VPS13D: variants seen among roughly 807,000 people sequenced by gnomAD.
VPS13D encodes the protein intermembrane lipid transfer protein VPS13D.
In VPS13D, 187 loss-of-function variants were observed where a neutral mutation model predicts 461.9. The observed-to-expected ratio is 0.40, with a 90% CI of 0.36 to 0.46. The LOEUF (loss-of-function observed/expected upper bound fraction) is 0.46, where lower values mean the gene tolerates loss of function less well. VPS13D is among the 20% of genes least tolerant of loss of function. The probability of loss-of-function intolerance (pLI) is 0.60; values close to 1 mark genes in which losing one functional copy is unlikely to be tolerated. For synonymous variants in VPS13D, 1,951 were observed against 1,986.3 expected (o/e 0.98, Z 0.47); for missense variants, 4,711 against 5,364.9 (o/e 0.88, Z 3.81).
chr1:12,486,232 G>A (rs560580694), intron 67 of VPS13D, among the ~76,000 whole-genome samples: 1 of 152,310 alleles, frequency 6.6e-6, no homozygotes, highest in East Asian at 1.9e-4. Context: ...CTCAGCCATA[G>A]GTTACATTTA....
chr1:12,275,825 A>G lies in VPS13D; in HGVS notation c.2237A>G (p.Asp746Gly). ...TGAATCTTCTTTTTTTTATCTTCAG[A>G]TAACTCCAGGAGGAAAAGTAGGGAT... ...LGRMLLTNTQDNSRRKSRDGS... is the reference protein window; with the variant it reads ...LGRMLLTNTQGNSRRKSRDGS... The change falls in exon 19 of 70, where the codon GAT (aspartate) becomes GGT (glycine). Residue 746 changes from aspartate (D) to glycine (G), a missense_variant and splice_region_variant. Physicochemically the swap from Asp to Gly is moderately conservative, Grantham distance 94. Transcript: ENST00000620676. The G allele has an allele frequency of 6.4e-7, 1 of 1,562,702 alleles. No individual in the cohort carries two copies. Among genetic ancestry groups the G allele is most frequent in the South Asian group, 1.2e-5 (1 of 84,128 alleles).
intron 63 of VPS13D, among the ~76,000 whole-genome samples, chr1:12,408,624 C>T (rs554646004): frequency 6.6e-6 from 1 of 152,352 alleles, no homozygotes; most frequent in African/African-American, 2.4e-5. Flanking sequence ...CTCAGCCTCC[C>T]AAAGTGCTGG....
chr1:12,358,785 T>C (rs1364614946), intron 50 of VPS13D, among the ~76,000 whole-genome samples, 184 bp downstream of exon 50: 1 of 152,204 alleles, frequency 6.6e-6, no homozygotes, highest in African/African-American at 2.4e-5. Flanking sequence ...CTCCTGGGGA[T>C]CTGAGGAGCC....
At chr1:12,311,314 G>T in intron 27 of VPS13D, 140 bp from the exon 28 acceptor site, 1 of 682,552 alleles carries the variant, frequency 1.5e-6, no homozygotes, top group South Asian at 2.5e-5. Flanking sequence ...GGAGCTACAT[G>T]AAATTTTTGT....
At chr1:12,418,543 G>A (rs923010536) in intron 65 of VPS13D, among the ~76,000 whole-genome samples, 1 of 151,998 alleles carries the variant, frequency 6.6e-6, no homozygotes. Context: ...TGTACCCTGG[G>A]CTTTACCATA....
chr1:12,295,659 CAA>C (rs1049888602), intron 24 of VPS13D, among the ~76,000 whole-genome samples: 1 of 151,664 alleles, frequency 6.6e-6, no homozygotes, highest in Non-Finnish European at 1.5e-5. Context: ...TTTAACAACT[CAA>C]AAAAAATTTA....
At chr1:12,472,060 G>T (rs1645569727) in intron 67 of VPS13D, among the ~76,000 whole-genome samples, 1 of 152,122 alleles carries the variant, frequency 6.6e-6, no homozygotes, top group Non-Finnish European at 1.5e-5. Flanking sequence ...ACTGGTTGTT[G>T]TCTAGCTATT....
At position 12,275,931 on chromosome 1, in the gene VPS13D, C is replaced by T. The variant is rs1218485089; in HGVS notation, c.2343C>T (p.Pro781=). 2.5e-6 allele frequency: 4 copies of T among 1,613,780 alleles called. No individual in the cohort carries two copies. The highest frequency in any genetic ancestry group is 2.2e-5 in the East Asian group (1 of 44,842). Residue 781 remains proline, a synonymous_variant, in exon 19 of 70, where the codon CCC becomes CCT. Coordinates refer to ENST00000620676, the MANE Select transcript of VPS13D (RefSeq NM_015378.4). ...PLATPPNTPP[P]ESSSSNGEKT... Reference sequence around the variant, plus strand: ...CCACACCTCCTAACACCCCACCTCCCGAGTCAAGCAGCAGCAACGGAGAGA... The same window carrying T: ...CCACACCTCCTAACACCCCACCTCCTGAGTCAAGCAGCAGCAACGGAGAGA...
At chr1:12,438,003 A>T (rs1305699780) in intron 65 of VPS13D, among the ~76,000 whole-genome samples, 1 of 152,146 alleles carries the variant, frequency 6.6e-6, no homozygotes, top group African/African-American at 2.4e-5. Flanking sequence ...CAGTCTGGAT[A>T]TACTCTCCTA....
At chr1:12,500,070 G>A (rs1186353607) in intron 68 of VPS13D, 1 of 985,202 alleles carries the variant, frequency 1.0e-6, no homozygotes. Flanking sequence ...TTCACTTCTG[G>A]AAAATATTGT....
chr1:12,238,362 C>T (rs1216508532), intron 2 of VPS13D, among the ~76,000 whole-genome samples: 1 of 150,816 alleles, frequency 6.6e-6, no homozygotes, highest in Non-Finnish European at 1.5e-5. Context: ...CCCTTGGTCC[C>T]AAGAGTTTGA....
intron 31 of VPS13D, among the ~76,000 whole-genome samples, 185 bp downstream of exon 31, chr1:12,318,522 A>G (rs1196394404): frequency 6.6e-6 from 1 of 151,994 alleles, no homozygotes; most frequent in African/African-American, 2.4e-5. Context: ...TGTCTGGCCC[A>G]CTGAAGACTG....
Position 12,262,000 on chromosome 1 carries a change from G to A in VPS13D, c.1514G>A (p.Arg505Gln), listed in dbSNP as rs1166379677. ...GCCAAACTGAATTTGCAGTTGCAGC[G>A]AGGTACAGTGACTCTGTTACACAAG... ...VFAKLNLQLQ[R>Q]GTVTLLHKEQ... The change falls in exon 13 of 70, where the codon CGA becomes CAA. Residue 505 changes from arginine (R) to glutamine (Q), a missense_variant. Arg to Gln is a conservative substitution (Grantham distance 43). Transcript: ENST00000620676. 12 of 1,614,108 alleles carry A rather than the reference G, an allele frequency of 7.4e-6. No individual in the cohort carries two copies. The highest frequency in any genetic ancestry group is 2.2e-5 in the East Asian group (1 of 44,880).
intron 67 of VPS13D, among the ~76,000 whole-genome samples, chr1:12,460,649 T>C (rs1036787648): frequency 3.3e-5 from 5 of 150,162 alleles, no homozygotes; most frequent in Non-Finnish European, 7.4e-5. Flanking sequence ...TATGTATGTA[T>C]ATATAGCATA....
intron 60 of VPS13D, among the ~76,000 whole-genome samples, chr1:12,398,760 C>G (rs960070961): frequency 2.6e-5 from 4 of 152,176 alleles, no homozygotes; most frequent in Admixed American, 6.5e-5. Context: ...AGGGAGTTGA[C>G]CTTAGTAGAG....
intron 63 of VPS13D, 102 bp from the exon 64 acceptor site, chr1:12,414,985 G>T: frequency 1.4e-6 from 2 of 1,397,434 alleles, no homozygotes; most frequent in South Asian, 2.8e-5. Context: ...ACCCTCATTC[G>T]AAAGTTAACA....
At chr1:12,321,695 T>C in intron 32 of VPS13D, 114 bp from the exon 33 acceptor site, 1 of 1,128,762 alleles carries the variant, frequency 8.9e-7, no homozygotes, top group Non-Finnish European at 1.2e-6. Flanking sequence ...GCAGTTGTTA[T>C]GGGTCTTATG....
chr1:12,465,262 T>G (rs1204772248), intron 67 of VPS13D: 21 of 152,222 alleles, frequency 1.4e-4, no homozygotes, highest in Non-Finnish European at 1.5e-5. Context: ...AAGTAGCAGA[T>G]GAAGATTTAT....
At chr1:12,255,620 G>A (rs947143228) in intron 7 of VPS13D, among the ~76,000 whole-genome samples, 2 of 151,580 alleles carry the variant, frequency 1.3e-5, no homozygotes, top group African/African-American at 4.8e-5. Context: ...AAGGTTGGGC[G>A]TGGTGGCTCA....
Sources: allele counts gnomAD v4.1 joint callset (sites outside exome capture counted in the v4.1 genomes callset), GRCh38; gene constraint gnomAD v4.1.1; transcripts MANE v1.5; gene names NCBI Gene and HGNC (gene_info 2026-07-23, HGNC 2026-07-21).